Variants in TFAP2D observed in about 807,000 individuals in gnomAD.
The protein encoded by TFAP2D is transcription factor AP-2 delta.
A neutral mutation model predicts 43.6 loss-of-function variants in TFAP2D; 9 were observed. The observed-to-expected ratio is 0.21, with a 90% confidence interval of 0.12 to 0.36. The LOEUF (loss-of-function observed/expected upper bound fraction) is 0.36, where lower values mean the gene tolerates loss of function less well. Among genes scored for constraint, TFAP2D ranks in the 10% least tolerant of loss-of-function variants. The pLI is 1.00. For missense variants in TFAP2D, 513 were observed against 561.4 expected (o/e 0.91, Z 0.87); for synonymous variants, 256 against 224.9 (o/e 1.14, Z -1.24).
chr6:50,743,614 G>A lies in TFAP2D; in HGVS notation c.884-1493G>A, dbSNP rs187411123. On this transcript the variant is annotated intron_variant, in intron 5 of 7. Transcript: ENST00000008391. ...TGCCCAGGCTGGTCTTGAACTCCTG[G>A]GCTCAAGGGGTTCTCCCGCTTCTGC... is the stretch of plus-strand genomic sequence containing the variant. 3.8e-3 allele frequency among the ~76,000 whole-genome samples: 580 copies of A among 151,972 alleles called. 3 individuals carry two copies. The highest frequency in any genetic ancestry group is 6.6e-3 in the Non-Finnish European group (446 of 67,950).
rs956661889 is a variant in TFAP2D, at chr6:50,715,692, T to G, written c.537+79T>G. 1.8e-5 allele frequency: 27 copies of G among 1,465,252 alleles called. No homozygotes were observed. In the African/African-American group the frequency reaches 3.7e-4, roughly 20 times the overall value. The allele number at this position is 1,465,252 out of a possible 1,614,324, so 90.8% of individuals were successfully genotyped here. On this transcript the variant is annotated intron_variant, in intron 2 of 7. Transcript: ENST00000008391. ...TGCCGCCCCATTAATGCTCCGACTG[T>G]AAAGCGTCTCTCTTTCTCTCTCTCT...
In TFAP2D at chr6:50,715,538, T is replaced by A; in HGVS notation, c.462T>A (p.Tyr154Ter). Residue 154 changes from tyrosine to a stop codon, truncating the protein, a stop_gained, in exon 2 of 8, where the codon TAT becomes TAA. Coordinates refer to ENST00000008391, the MANE Select transcript of TFAP2D (RefSeq NM_172238.4). LOFTEE classifies it high-confidence loss of function. Reference sequence around the variant, plus strand: ...CCCTCATGAGCCATGGCTCTCAGTATGGAATGCACCCAGATCAAAGACTCC... The same window carrying A: ...CCCTCATGAGCCATGGCTCTCAGTAAGGAATGCACCCAGATCAAAGACTCC... ...DLSLMSHGSQ[Y>*]GMHPDQRLLP... is the part of the protein sequence containing the mutation. The A allele has an allele frequency of 6.2e-7, 1 of 1,612,060 alleles. No individual in the cohort carries two copies. Among genetic ancestry groups the A allele is most frequent in the Non-Finnish European group, 8.5e-7 (1 of 1,179,984 alleles).
At chr6:50,738,524 T>C (rs1389884572) in intron 5 of TFAP2D, among the ~76,000 whole-genome samples, 1 of 152,178 alleles carries the variant, frequency 6.6e-6, no homozygotes, top group Non-Finnish European at 1.5e-5. Flanking sequence ...CATTTTTCTA[T>C]GTTTAAATCT....
At chr6:50,730,528 A>T (rs1351742381) in intron 5 of TFAP2D, among the ~76,000 whole-genome samples, 1 of 152,116 alleles carries the variant, frequency 6.6e-6, no homozygotes, top group Non-Finnish European at 1.5e-5. Flanking sequence ...AAAATGACTA[A>T]TGGATTGATT....
rs71305731 is a variant in TFAP2D at position 50,714,104 on chromosome 6, C to CTTTTT, written c.39+26_39+30dup. 84 of 1,398,802 alleles carry CTTTTT rather than the reference C, an allele frequency of 6.0e-5. 8 individuals carry two copies. Among genetic ancestry groups the CTTTTT allele is most frequent in the Admixed American group, 1.6e-4 (6 of 38,656 alleles). The allele number at this position is 1,398,802 out of a possible 1,614,324, so 86.6% of individuals were successfully genotyped here. On this transcript the variant is annotated intron_variant, in intron 1 of 7. Transcript: ENST00000008391. ...AGTCCACGATGCCGAGGTATTATTA[C>CTTTTT]TTTTTTTTTTTTTTTTTTTTGAGCG...
Position 50,742,954 on chromosome 6 carries a change from AACACACACACACAC to A in TFAP2D, c.884-2125_884-2112del, listed in dbSNP as rs3060372. ...CTGTATGGCATAACAACGACTTTAA[AACACACACACACAC>A]ACACACACACACACACACACACACA... On this transcript the variant is annotated intron_variant, in intron 5 of 7. Transcript: ENST00000008391. Among the ~76,000 whole-genome samples the A allele has an allele frequency of 6.9e-3, 962 of 139,694 alleles. 8 individuals carry two copies. The highest frequency in any genetic ancestry group is 0.023 in the African/African-American group (902 of 38,670). The allele number at this position is 139,694 out of a possible 152,430, so 91.6% of individuals were successfully genotyped here.
intron 5 of TFAP2D, among the ~76,000 whole-genome samples, chr6:50,733,093 A>G (rs570369520): frequency 1.4e-4 from 21 of 152,230 alleles, no homozygotes; most frequent in African/African-American, 5.1e-4. Flanking sequence ...ACTTTAGACT[A>G]ACTGAATGTT....
rs774732302 is a variant in TFAP2D, at chr6:50,715,508, C to T, written c.432C>T (p.Asp144=). 1 of 1,613,288 alleles carries T rather than the reference C, an allele frequency of 6.2e-7. No homozygotes were observed. The highest frequency in any genetic ancestry group is 1.3e-5 in the African/African-American group (1 of 74,930). ...GCCTCGATGCCTACCGCCGCCATGA[C>T]CTGTCCCTCATGAGCCATGGCTCTC... ...LGCLDAYRRH[D]LSLMSHGSQY... The change falls in exon 2 of 8, where the codon GAC becomes GAT. Residue 144 remains aspartate (D), a synonymous_variant. Coordinates refer to ENST00000008391, the MANE Select transcript of TFAP2D (RefSeq NM_172238.4).
intron 3 of TFAP2D, 116 bp from the exon 4 acceptor site, chr6:50,728,740 G>A (rs1480926756): frequency 3.0e-6 from 3 of 990,744 alleles, no homozygotes; most frequent in African/African-American, 3.2e-5. Context: ...GGATATATAA[G>A]TACAACTGTT....
intron 2 of TFAP2D, among the ~76,000 whole-genome samples, chr6:50,716,028 A>G (rs534194715): frequency 6.6e-6 from 1 of 151,954 alleles, no homozygotes; most frequent in Non-Finnish European, 1.5e-5. Flanking sequence ...TTGATGACCA[A>G]TCGTACCCTC....
chr6:50,766,964 G>A (rs185851960), intron 7 of TFAP2D, among the ~76,000 whole-genome samples: 4 of 152,018 alleles, frequency 2.6e-5, no homozygotes, highest in African/African-American at 4.8e-5. Flanking sequence ...CACCGTGCCC[G>A]GCCTGCTTTC....
intron 5 of TFAP2D, 46 bp downstream of exon 5, chr6:50,729,358 T>C (rs1341995826): frequency 6.6e-7 from 1 of 1,506,224 alleles, no homozygotes; most frequent in South Asian, 1.1e-5. Flanking sequence ...GGTTGGCGTG[T>C]CTTTGAAACT....
chr6:50,740,408 A>G (rs1442713648), intron 5 of TFAP2D, among the ~76,000 whole-genome samples: 2 of 152,048 alleles, frequency 1.3e-5, no homozygotes, highest in Admixed American at 1.3e-4. Context: ...AAATACCATA[A>G]TTTTAAAGAA....
intron 7 of TFAP2D, among the ~76,000 whole-genome samples, chr6:50,753,243 T>A (rs891608200): frequency 2.3e-4 from 35 of 151,966 alleles, no homozygotes; most frequent in Admixed American, 2.3e-3. Context: ...TGAGACTCTG[T>A]CATGTATGCT....
At chr6:50,765,719 T>C (rs116070985) in intron 7 of TFAP2D, among the ~76,000 whole-genome samples, 1,577 of 152,276 alleles carry the variant, frequency 0.01, 25 homozygotes, top group African/African-American at 0.036. Flanking sequence ...TTTGTTTTTT[T>C]TTTCCTATTG....
At chr6:50,739,452 T>G (rs1426396013) in intron 5 of TFAP2D, among the ~76,000 whole-genome samples, 2 of 152,202 alleles carry the variant, frequency 1.3e-5, no homozygotes, top group Admixed American at 1.3e-4. Context: ...GTGCCACATT[T>G]TTTTAATCCA....
chr6:50,759,635 A>G (rs1769335531), intron 7 of TFAP2D, among the ~76,000 whole-genome samples: 1 of 152,020 alleles, frequency 6.6e-6, no homozygotes, highest in African/African-American at 2.4e-5. Context: ...TGGTTAATGT[A>G]CCCCTATAAA....
rs369975218 is a variant in TFAP2D at position 50,759,843 on chromosome 6, A to C, written c.1139+8519A>C. On this transcript the variant is annotated intron_variant, in intron 7 of 7. Transcript: ENST00000008391. ...CATTCATTCCCCTTTGGGACCTCAA[A>C]GTAAGTGGCTGAGGAGAACAGAAGG... Among the ~76,000 whole-genome samples the C allele has an allele frequency of 3.3e-5, 5 of 152,114 alleles. No individual in the cohort carries two copies. The South Asian group carries it at 1.0e-3, about 32-fold the overall frequency.
At chr6:50,741,118 AGTATTTAATAT>A (rs1367798707) in intron 5 of TFAP2D, among the ~76,000 whole-genome samples, 2 of 151,848 alleles carry the variant, frequency 1.3e-5, no homozygotes, top group East Asian at 1.9e-4. Context: ...ATTTAATATA[AGTATTTAATAT>A]AAGTATTACT....
Sources: gnomAD v4.1 joint callset for allele counts (sites outside exome capture counted in the v4.1 genomes callset) on GRCh38, gnomAD v4.1.1 for gene constraint, MANE v1.5 for transcripts, NCBI Gene and HGNC (gene_info 2026-07-23, HGNC 2026-07-21) for gene names.